Variants in ARHGAP17 observed in about 807,000 individuals in gnomAD.
The protein encoded by ARHGAP17 is rho GTPase-activating protein 17.
Under a neutral mutation model 99.5 loss-of-function variants are expected in ARHGAP17, and 57 were observed. The ratio of observed to expected loss-of-function variants is 0.57; its 90% CI spans 0.46 to 0.71. The LOEUF is 0.71. Among genes scored for constraint, ARHGAP17 ranks in the 30% least tolerant of loss-of-function variants. The pLI is 0.00. For missense variants in ARHGAP17, 1,000 were observed against 1,122.4 expected (o/e 0.89, Z 1.56); for synonymous variants, 417 against 429.6 (o/e 0.97, Z 0.36).
chr16:24,995,440 G>A (rs1377409805), intron 1 of ARHGAP17, among the ~76,000 whole-genome samples: 1 of 152,230 alleles, frequency 6.6e-6, no homozygotes, highest in East Asian at 1.9e-4. Flanking sequence ...CCAGGTCAGG[G>A]AGAAGAGAGG....
At chr16:24,988,273 T>C (rs1331349383) in intron 1 of ARHGAP17, among the ~76,000 whole-genome samples, 1 of 152,182 alleles carries the variant, frequency 6.6e-6, no homozygotes, top group African/African-American at 2.4e-5. Context: ...AGCAATTTGT[T>C]ATACCTGCCA....
intron 14 of ARHGAP17, among the ~76,000 whole-genome samples, chr16:24,944,600 C>T (rs1426200050): frequency 6.6e-6 from 1 of 151,972 alleles, no homozygotes; most frequent in African/African-American, 2.4e-5. Flanking sequence ...TTACAGTGTG[C>T]CTTTTATTTT....
In ARHGAP17 at chr16:24,954,953, C is replaced by A; in HGVS notation, c.725-223G>T. 5.7e-6 allele frequency: 3 copies of A among 526,792 alleles called. No individual in the cohort carries two copies. In the South Asian group the frequency reaches 8.3e-5, roughly 15 times the overall value. 32.6% of individuals were successfully genotyped at this position (526,792 alleles called of 1,614,324 possible). A position where few individuals can be genotyped will look rare whatever the true frequency, so the allele number is the denominator to read the frequency against. Reference sequence around the variant, plus strand: ...TTGTGGAACAGAAGCCTGAGCGTACCTAGATGGCACCAACTCAGGCTGCCC... The same window carrying A: ...TTGTGGAACAGAAGCCTGAGCGTACATAGATGGCACCAACTCAGGCTGCCC... On this transcript the variant is annotated intron_variant, in intron 9 of 19. Transcript: ENST00000289968.
chr16:24,980,714 T>C (rs1303989090), intron 1 of ARHGAP17, among the ~76,000 whole-genome samples: 1 of 152,190 alleles, frequency 6.6e-6, no homozygotes, highest in Admixed American at 6.5e-5. Context: ...GAGATCGTCA[T>C]AGTTTCACCA....
At chr16:24,963,088 TA>T (rs1257732661) in intron 7 of ARHGAP17, among the ~76,000 whole-genome samples, 37 of 152,314 alleles carry the variant, frequency 2.4e-4, no homozygotes, top group Non-Finnish European at 1.5e-4. Flanking sequence ...TTGTGTGCAA[TA>T]AGTAGGCAAT....
chr16:24,987,859 T>C (rs151168788), intron 1 of ARHGAP17, among the ~76,000 whole-genome samples: 17 of 152,378 alleles, frequency 1.1e-4, no homozygotes, highest in African/African-American at 3.1e-4. Context: ...CCAGGAAATA[T>C]CTGACGCATT....
At chr16:24,934,028 A>G (rs1327186591) in intron 18 of ARHGAP17, among the ~76,000 whole-genome samples, 1 of 152,190 alleles carries the variant, frequency 6.6e-6, no homozygotes, top group East Asian at 1.9e-4. Context: ...GAAGAAGAAT[A>G]AAGTGGGGGT....
intron 1 of ARHGAP17, among the ~76,000 whole-genome samples, chr16:24,979,908 G>C (rs959615736): frequency 6.6e-6 from 1 of 152,112 alleles, no homozygotes; most frequent in African/African-American, 2.4e-5. Flanking sequence ...ACAGGGTTTT[G>C]CCATGTTGGC....
chr16:24,991,988 G>A (rs972912911), intron 1 of ARHGAP17, among the ~76,000 whole-genome samples: 10 of 152,186 alleles, frequency 6.6e-5, no homozygotes, highest in African/African-American at 2.4e-4. Context: ...GTGATTAACT[G>A]TGTGGCCAGG....
rs1418016588 is a variant in ARHGAP17 at position 24,943,920 on chromosome 16, T to C, written c.1242-58A>G. Reference sequence around the variant, plus strand: ...CCTGTAGGCAGCATCTAATTTCTTCTGGTTGTGTCAGGGCAATTCAATTAT... The same window carrying C: ...CCTGTAGGCAGCATCTAATTTCTTCCGGTTGTGTCAGGGCAATTCAATTAT... On this transcript the variant is annotated intron_variant, in intron 14 of 19. Transcript: ENST00000289968. The C allele has an allele frequency of 2.1e-6, 3 of 1,437,108 alleles. No homozygotes were observed. In the East Asian group the frequency reaches 6.8e-5, roughly 33 times the overall value. 89.0% of individuals were successfully genotyped at this position (1,437,108 alleles called of 1,614,324 possible).
At position 24,959,660 on chromosome 16, in the gene ARHGAP17, G is replaced by A; in HGVS notation, c.724+11C>T. The A allele has an allele frequency of 6.2e-7, 1 of 1,613,246 alleles. No individual in the cohort carries two copies. Among genetic ancestry groups the A allele is most frequent in the African/African-American group, 1.3e-5 (1 of 74,946 alleles). The stretch of plus-strand genomic sequence containing the variant: ...AAGAAGGAAGCATCAGCCGCACGCG[G>A]GTTACATTACCTTGATGGGCTCGCA... On this transcript the variant is annotated intron_variant, in intron 9 of 19. Transcript: ENST00000289968.
At chr16:24,929,763 C>T (rs11860541) in intron 19 of ARHGAP17, 1 of 567,118 alleles carries the variant, frequency 1.8e-6, no homozygotes, top group South Asian at 7.7e-5. Context: ...ATAACATGTG[C>T]AAATTATGTA....
intron 1 of ARHGAP17, among the ~76,000 whole-genome samples, chr16:24,989,687 A>G (rs1223604769): frequency 6.6e-6 from 1 of 152,214 alleles, no homozygotes; most frequent in Non-Finnish European, 1.5e-5. Context: ...ATGGTTACAC[A>G]ACTCTGTAAA....
intron 19 of ARHGAP17, among the ~76,000 whole-genome samples, chr16:24,926,542 G>A (rs78206667): frequency 0.067 from 10,128 of 152,250 alleles, 1,015 homozygotes; most frequent in African/African-American, 0.22. Flanking sequence ...GATTACAGGC[G>A]TGAGCCACCG....
At chr16:24,920,367 C>T (rs2050689585) in intron 19 of ARHGAP17, 107 bp from the exon 20 acceptor site, 12 of 1,413,536 alleles carry the variant, frequency 8.5e-6, no homozygotes, top group Admixed American at 5.6e-5. Context: ...AGGGTCAGCC[C>T]ATGCACACAG....
At chr16:25,004,980 T>C (rs1017846170) in intron 1 of ARHGAP17, among the ~76,000 whole-genome samples, 11 of 152,252 alleles carry the variant, frequency 7.2e-5, no homozygotes, top group African/African-American at 2.7e-4. Flanking sequence ...AGTGGTGCGA[T>C]CTTGGCTCAC....
At chr16:24,949,523 A>T in intron 12 of ARHGAP17, 39 bp from the exon 13 acceptor site, 1 of 1,551,108 alleles carries the variant, frequency 6.4e-7, no homozygotes, top group Non-Finnish European at 8.9e-7. Context: ...ACTTATTAAG[A>T]CACCAATTAT....
chr16:24,977,765 A>G (rs2052561465), intron 2 of ARHGAP17, among the ~76,000 whole-genome samples: 1 of 152,174 alleles, frequency 6.6e-6, no homozygotes, highest in Non-Finnish European at 1.5e-5. Context: ...GCAATAAGAA[A>G]CACTGACTTA....
At chr16:24,993,179 A>G (rs1218628735) in intron 1 of ARHGAP17, among the ~76,000 whole-genome samples, 1 of 152,216 alleles carries the variant, frequency 6.6e-6, no homozygotes, top group Non-Finnish European at 1.5e-5. Context: ...TTTAAAAAAA[A>G]ATTAATAGTA....
Sources: gnomAD v4.1 joint callset for allele counts (sites outside exome capture counted in the v4.1 genomes callset) on GRCh38, gnomAD v4.1.1 for gene constraint, MANE v1.5 for transcripts, NCBI Gene and HGNC (gene_info 2026-07-23, HGNC 2026-07-21) for gene names.